SAP130: variants seen among roughly 807,000 people sequenced by gnomAD.
The protein encoded by SAP130 is histone deacetylase complex subunit SAP130.
SAP130 carries 16 observed loss-of-function variants against 103.2 expected under a neutral mutation model. The ratio of observed to expected loss-of-function variants is 0.16; its 90% CI spans 0.10 to 0.24. SAP130 has a LOEUF of 0.24. Ranked by LOEUF, SAP130 falls within the 10% of genes least tolerant of loss-of-function variation. SAP130 has a pLI of 1.00. For synonymous variants in SAP130, 477 were observed against 497.0 expected (o/e 0.96, Z 0.53); for missense variants, 990 against 1,359.7 (o/e 0.73, Z 4.28).
intron 16 of SAP130, among the ~76,000 whole-genome samples, chr2:127,950,977 T>C (rs1016449411): frequency 1.3e-5 from 2 of 152,248 alleles, no homozygotes; most frequent in African/African-American, 4.8e-5. Context: ...AACAGGACCT[T>C]ATGAGTTAAG....
intron 19 of SAP130, 48 bp downstream of exon 19, chr2:127,945,408 T>C: frequency 8.9e-7 from 1 of 1,124,464 alleles, no homozygotes; most frequent in Non-Finnish European, 1.4e-6. Context: ...ATCTGCAGTG[T>C]CTTCTCCTCT....
chr2:127,975,077 G>A (rs1001537179), intron 15 of SAP130, among the ~76,000 whole-genome samples: 25 of 152,152 alleles, frequency 1.6e-4, no homozygotes, highest in Non-Finnish European at 1.9e-4. Context: ...CTAGCTCTAT[G>A]GTCCCCAAAT....
rs35508983 is a variant in SAP130 at position 128,010,951 on chromosome 2, G to GAA, written c.745-560_745-559dup. Reference sequence around the variant, plus strand: ...TTAAGATACCACTGACAAGTGTTTTGAAAAAAAAAAAAAAATCCCATTTTG... The same window carrying GAA: ...TTAAGATACCACTGACAAGTGTTTTGAAAAAAAAAAAAAAAAATCCCATTTTG... On this transcript the variant is annotated intron_variant, in intron 6 of 20. Coordinates refer to ENST00000643581, the MANE Select transcript of SAP130 (RefSeq NM_001330301.2). Among the ~76,000 whole-genome samples the GAA allele has an allele frequency of 5.7e-3, 748 of 130,510 alleles. 6 individuals carry two copies. The highest frequency in any genetic ancestry group is 0.016 in the African/African-American group (576 of 35,616). The allele number at this position is 130,510 out of a possible 152,430, so 85.6% of individuals were successfully genotyped here. A position where few individuals can be genotyped will look rare whatever the true frequency, so the allele number is the denominator to read the frequency against.
At chr2:127,994,417 T>G (rs1278046716) in intron 11 of SAP130, among the ~76,000 whole-genome samples, 8 of 151,968 alleles carry the variant, frequency 5.3e-5, no homozygotes, top group East Asian at 1.9e-4. Context: ...ATGGCGAAAC[T>G]CCGTCTTCTA....
intron 15 of SAP130, among the ~76,000 whole-genome samples, chr2:127,973,798 G>C (rs1681261547): frequency 6.6e-6 from 1 of 152,124 alleles, no homozygotes; most frequent in African/African-American, 2.4e-5. Flanking sequence ...ATATGGGCAG[G>C]GTGCGGTGCT....
rs141466439 is a variant in SAP130, at chr2:128,003,481, T to C, written c.870-3027A>G. On this transcript the variant is annotated intron_variant, in intron 7 of 20. Transcript: ENST00000643581. ...GTGACTGCGCCACTGCAACCTTGAC[T>C]TCTGGGGTTCAAGGTCTCCTCCCAC... 2.7e-3 allele frequency among the ~76,000 whole-genome samples: 407 copies of C among 149,406 alleles called. 2 individuals are homozygous for C. The highest frequency in any genetic ancestry group is 9.6e-3 in the African/African-American group (393 of 40,904).
intron 2 of SAP130, 115 bp from the exon 3 acceptor site, chr2:128,018,030 C>T: frequency 3.7e-6 from 3 of 805,936 alleles, no homozygotes; most frequent in East Asian, 2.7e-5. Context: ...TGGCCATTTC[C>T]TTGTGATGTT....
At chr2:127,952,223 C>A (rs929350008) in intron 16 of SAP130, among the ~76,000 whole-genome samples, 1 of 152,022 alleles carries the variant, frequency 6.6e-6, no homozygotes, top group Non-Finnish European at 1.5e-5. Context: ...GAGGCTGAGG[C>A]GGGCAGATCA....
At chr2:128,022,952 C>G (rs943189497) in intron 2 of SAP130, among the ~76,000 whole-genome samples, 1 of 151,836 alleles carries the variant, frequency 6.6e-6, no homozygotes, top group Non-Finnish European at 1.5e-5. Context: ...ACCTCAGCCT[C>G]TCAAGTAGCT....
intron 2 of SAP130, among the ~76,000 whole-genome samples, chr2:128,019,175 A>C (rs1684985896): frequency 6.6e-6 from 1 of 152,114 alleles, no homozygotes; most frequent in South Asian, 2.1e-4. Flanking sequence ...AAACTGAGGG[A>C]CAGAGATAGG....
In SAP130 at chr2:127,953,094, A is replaced by C. The variant is rs1379436376; in HGVS notation, c.2422+1892T>G. On this transcript the variant is annotated intron_variant, in intron 16 of 20. Transcript: ENST00000643581. This position sits in a 1 kb window ranked among gnomAD's most constrained non-coding sequence, Gnocchi z 4.0. ...AATGTCTAACAGACATCTGAAACTT[A>C]CCCTATCAAAAACTAAACTCCTAAT... Among the ~76,000 whole-genome samples, 1 of 152,014 alleles carries C rather than the reference A, an allele frequency of 6.6e-6. No homozygotes were observed. The highest frequency in any genetic ancestry group is 1.5e-5 in the Non-Finnish European group (1 of 68,002).
Position 127,941,856 on chromosome 2 carries a change from T to C in SAP130, c.*150A>G, listed in dbSNP as rs1678734749. ...AGTCAGCTCTGATCCTTTCACGCCC[T>C]TGGATGTCATGGGTTCCTCTGCTTT... On this transcript the variant is annotated 3_prime_UTR_variant, in exon 21 of 21. Coordinates refer to ENST00000643581, the MANE Select transcript of SAP130 (RefSeq NM_001330301.2). 2 of 726,796 alleles carry C rather than the reference T, an allele frequency of 2.8e-6. No homozygotes were observed. The highest frequency in any genetic ancestry group is 2.6e-5 in the East Asian group (1 of 38,656). The allele number at this position is 726,796 out of a possible 1,614,324, so 45.0% of individuals were successfully genotyped here.
At chr2:128,002,212 C>A (rs1299065307) in intron 7 of SAP130, among the ~76,000 whole-genome samples, 1 of 152,078 alleles carries the variant, frequency 6.6e-6, no homozygotes, top group Non-Finnish European at 1.5e-5. Flanking sequence ...CCAATGTGCC[C>A]GGCCAAAACT....
In SAP130 at chr2:127,953,510, C is replaced by A. The variant is rs1679627325; in HGVS notation, c.2422+1476G>T. On this transcript the variant is annotated intron_variant, in intron 16 of 20. Transcript: ENST00000643581. The surrounding 1 kb of genome is among the most constrained non-coding windows in gnomAD (Gnocchi z 4.0). ...CCTGCTCTGCTCCAACAGCTCCCTG[C>A]CAACCCCAGCAAAGCCAAAACCTTT... Among the ~76,000 whole-genome samples, 1 of 152,160 alleles carries A rather than the reference C, an allele frequency of 6.6e-6. No individual in the cohort carries two copies. The highest frequency in any genetic ancestry group is 2.4e-5 in the African/African-American group (1 of 41,458).
At chr2:128,019,206 G>C (rs1209998547) in intron 2 of SAP130, among the ~76,000 whole-genome samples, 1 of 152,034 alleles carries the variant, frequency 6.6e-6, no homozygotes, top group African/African-American at 2.4e-5. Flanking sequence ...TCCAATGTAT[G>C]CTCTTTTTCT....
chr2:127,995,672 G>A (rs975214549), intron 11 of SAP130, among the ~76,000 whole-genome samples: 1 of 152,134 alleles, frequency 6.6e-6, no homozygotes, highest in African/African-American at 2.4e-5. Flanking sequence ...TTGAATGAAT[G>A]TTTACTGGAG....
intron 2 of SAP130, among the ~76,000 whole-genome samples, chr2:128,018,313 C>CAAAAAA (rs200188563): frequency 8.3e-4 from 42 of 50,520 alleles, no homozygotes; most frequent in East Asian, 3.4e-3. Flanking sequence ...ACTAAAAATA[C>CAAAAAA]AAAAAAAAAA....
At position 127,996,624 on chromosome 2, in the gene SAP130, T is replaced by C; in HGVS notation, c.1214-133A>G. On this transcript the variant is annotated intron_variant, in intron 10 of 20. Coordinates refer to ENST00000643581, the MANE Select transcript of SAP130 (RefSeq NM_001330301.2). This position sits in a 1 kb window ranked among gnomAD's most constrained non-coding sequence, Gnocchi z 4.3. The stretch of plus-strand genomic sequence containing the variant: ...CTGGATTTTTAATCAAAATAAAAAA[T>C]GAAAAATAAGTACAAAGTTCAACAG... The C allele has an allele frequency of 1.3e-6, 1 of 794,444 alleles. No homozygotes were observed. Among genetic ancestry groups the C allele is most frequent in the Non-Finnish European group, 1.8e-6 (1 of 548,538 alleles). The allele number at this position is 794,444 out of a possible 1,614,324, so 49.2% of individuals were successfully genotyped here.
At chr2:127,997,779 C>T (rs147344481) in intron 10 of SAP130, among the ~76,000 whole-genome samples, 3 of 152,252 alleles carry the variant, frequency 2.0e-5, no homozygotes, top group Admixed American at 6.5e-5. Context: ...AGACATACCC[C>T]ACCACTCAGC....
Sources: allele counts gnomAD v4.1 joint callset (sites outside exome capture counted in the v4.1 genomes callset), GRCh38; gene constraint gnomAD v4.1.1; non-coding constraint Gnocchi (gnomAD v3.1); transcripts MANE v1.5; gene names NCBI Gene and HGNC (gene_info 2026-07-23, HGNC 2026-07-21).